The following AGPAT4 variants were observed in gnomAD, a reference collection of about 807,000 sequenced individuals.
AGPAT4 encodes 1-acylglycerol-3-phosphate O-acyltransferase 4, also known as 1-acyl-sn-glycerol-3-phosphate acyltransferase delta.
Under a neutral mutation model 48.0 loss-of-function variants are expected in AGPAT4, and 15 were observed. The ratio of observed to expected loss-of-function variants is 0.31; its 90% CI spans 0.21 to 0.48. AGPAT4 has a LOEUF of 0.48. AGPAT4 is among the 20% of genes least tolerant of loss of function. The probability of loss-of-function intolerance (pLI) is 0.99; values close to 1 mark genes in which losing one functional copy is unlikely to be tolerated. For missense variants in AGPAT4, 314 were observed against 482.5 expected (o/e 0.65, Z 3.27); for synonymous variants, 178 against 198.7 (o/e 0.90, Z 0.88).
chr6:161,265,726 T>C (rs1295671594), intron 1 of AGPAT4, among the ~76,000 whole-genome samples: 1 of 152,070 alleles, frequency 6.6e-6, no homozygotes, highest in African/African-American at 2.4e-5. Context: ...AGGGCCTGTC[T>C]GCACAGATCT....
chr6:161,235,892 A>G lies in AGPAT4; in HGVS notation c.-89-3590T>C, dbSNP rs1782261414. Reference sequence around the variant, plus strand: ...TCCAGTGCTGGGGATTACAAATTCAACGTGAGACTTGGGCAGGGACACAGA... The same window carrying G: ...TCCAGTGCTGGGGATTACAAATTCAGCGTGAGACTTGGGCAGGGACACAGA... On this transcript the variant is annotated intron_variant, in intron 1 of 8. Transcript: ENST00000320285. The surrounding 1 kb of genome is among the most constrained non-coding windows in gnomAD (Gnocchi z 6.2). Among the ~76,000 whole-genome samples the G allele has an allele frequency of 6.6e-6, 1 of 152,122 alleles. No individual in the cohort carries two copies. The highest frequency in any genetic ancestry group is 2.4e-5 in the African/African-American group (1 of 41,412).
rs201320578 is a variant in AGPAT4, at chr6:161,144,204, G to A, written c.843+2320C>T. ...CAGCGATCTTCTCGGAAGGGCAAAGGGCCAGCCTCCCAGGCCTGCTCACAG... is the reference window on the plus strand; with the variant it reads ...CAGCGATCTTCTCGGAAGGGCAAAGAGCCAGCCTCCCAGGCCTGCTCACAG... On this transcript the variant is annotated intron_variant, in intron 7 of 8. Transcript: ENST00000320285. This position sits in a 1 kb window ranked among gnomAD's most constrained non-coding sequence, Gnocchi z 6.6. 1.9e-6 allele frequency: 1 copy of A among 532,894 alleles called. No homozygotes were observed. The highest frequency in any genetic ancestry group is 3.8e-6 in the Non-Finnish European group (1 of 259,816). 33.0% of individuals were successfully genotyped at this position (532,894 alleles called of 1,614,324 possible). A position where few individuals can be genotyped will look rare whatever the true frequency, so the allele number is the denominator to read the frequency against.
Position 161,217,066 on chromosome 6 carries a change from T to G in AGPAT4, c.178+14970A>C, listed in dbSNP as rs1781666073. On this transcript the variant is annotated intron_variant, in intron 2 of 8. Coordinates refer to ENST00000320285, the MANE Select transcript of AGPAT4 (RefSeq NM_020133.3). This position sits in a 1 kb window ranked among gnomAD's most constrained non-coding sequence, Gnocchi z 4.9. Reference sequence around the variant, plus strand: ...TCAGGCTTTCCTGTCCTTGTCAATTTCCGTTTAGGTGTTTTATCATTAGGG... The same window carrying G: ...TCAGGCTTTCCTGTCCTTGTCAATTGCCGTTTAGGTGTTTTATCATTAGGG... Among the ~76,000 whole-genome samples, 1 of 152,186 alleles carries G rather than the reference T, an allele frequency of 6.6e-6. No individual in the cohort carries two copies. The highest frequency in any genetic ancestry group is 2.1e-4 in the South Asian group (1 of 4,830).
rs901879831 is a variant in AGPAT4, at chr6:161,158,812, G to A, written c.349-4502C>T. ...GCTTCAGATGAAGATTCCAAACCCC[G>A]GTGCTGCGAGCAGCATGGCTGGGAG... is the stretch of plus-strand genomic sequence containing the variant. On this transcript the variant is annotated intron_variant, in intron 3 of 8. Transcript: ENST00000320285. The surrounding 1 kb of genome is among the most constrained non-coding windows in gnomAD (Gnocchi z 5.3). 9.9e-5 allele frequency among the ~76,000 whole-genome samples: 15 copies of A among 150,792 alleles called. No individual in the cohort carries two copies. The highest frequency in any genetic ancestry group is 3.2e-4 in the African/African-American group (13 of 40,156).
intron 2 of AGPAT4, among the ~76,000 whole-genome samples, chr6:161,181,207 G>A (rs1172321620): frequency 2.0e-5 from 3 of 152,152 alleles, no homozygotes; most frequent in African/African-American, 7.2e-5. Context: ...GCTGTGAAGG[G>A]GAACAGTATT....
rs754342942 is a variant in AGPAT4, at chr6:161,166,237, T to C, written c.348+11A>G. 1 of 1,613,270 alleles carries C rather than the reference T, an allele frequency of 6.2e-7. No individual in the cohort carries two copies. Among genetic ancestry groups the C allele is most frequent in the Non-Finnish European group, 8.5e-7 (1 of 1,179,608 alleles). On this transcript the variant is annotated intron_variant, in intron 3 of 8. Transcript: ENST00000320285. The surrounding 1 kb of genome is among the most constrained non-coding windows in gnomAD (Gnocchi z 6.7). ...ATGTGTGAGGCAGGGGGGAATGCAC[T>C]TCTGACTTACCCCTAACAGCCCAAA...
chr6:161,146,176 A>T lies in AGPAT4; in HGVS notation c.843+348T>A, dbSNP rs1779418335. On this transcript the variant is annotated intron_variant, in intron 7 of 8. Coordinates refer to ENST00000320285, the MANE Select transcript of AGPAT4 (RefSeq NM_020133.3). The surrounding 1 kb of genome is among the most constrained non-coding windows in gnomAD (Gnocchi z 7.1). Reference sequence around the variant, plus strand: ...GATCAGATTGACAACCAAATTGTTGATCCAGAAGCAATCAAGACCATGTCC... The same window carrying T: ...GATCAGATTGACAACCAAATTGTTGTTCCAGAAGCAATCAAGACCATGTCC... Among the ~76,000 whole-genome samples the T allele has an allele frequency of 6.6e-6, 1 of 151,484 alleles. No individual in the cohort carries two copies. Among genetic ancestry groups the T allele is most frequent in the Non-Finnish European group, 1.5e-5 (1 of 68,020 alleles).
At chr6:161,186,229 T>C (rs559022650) in intron 2 of AGPAT4, among the ~76,000 whole-genome samples, 3 of 152,140 alleles carry the variant, frequency 2.0e-5, no homozygotes, top group Non-Finnish European at 4.4e-5. Context: ...ATGCTTAAGA[T>C]GAGTGAATCA....
chr6:161,131,083 G>A lies in AGPAT4; in HGVS notation c.*5457C>T, dbSNP rs1301085652. 4 of 292,452 alleles carry A rather than the reference G, an allele frequency of 1.4e-5. No homozygotes were observed. The highest frequency in any genetic ancestry group is 2.8e-5 in the Non-Finnish European group (4 of 142,246). The allele number at this position is 292,452 out of a possible 1,614,324, so 18.1% of individuals were successfully genotyped here. A position where few individuals can be genotyped will look rare whatever the true frequency, so the allele number is the denominator to read the frequency against. On this transcript the variant is annotated 3_prime_UTR_variant, in exon 9 of 9. Transcript: ENST00000320285. Reference sequence around the variant, plus strand: ...CACTCACCTCCCTTAAAATTCAGCAGAACCAGAGGTGCCAGAAATGTCAAA... The same window carrying A: ...CACTCACCTCCCTTAAAATTCAGCAAAACCAGAGGTGCCAGAAATGTCAAA...
Position 161,164,571 on chromosome 6 carries a change from G to A in AGPAT4, c.348+1677C>T, listed in dbSNP as rs1432446152. On this transcript the variant is annotated intron_variant, in intron 3 of 8. Transcript: ENST00000320285. The surrounding 1 kb of genome is among the most constrained non-coding windows in gnomAD (Gnocchi z 7.4). ...TTTTGTGCCCCCAACATCTTCCAGG[G>A]GAAAGAGCAGAAGCTTTGAAAGCAG... 6.6e-6 allele frequency among the ~76,000 whole-genome samples: 1 copy of A among 152,194 alleles called. No homozygotes were observed. Among genetic ancestry groups the A allele is most frequent in the African/African-American group, 2.4e-5 (1 of 41,448 alleles).
At chr6:161,187,731 ACAGGGTTTCACC>A (rs1239516461) in intron 2 of AGPAT4, among the ~76,000 whole-genome samples, 1 of 152,036 alleles carries the variant, frequency 6.6e-6, no homozygotes, top group Non-Finnish European at 1.5e-5. Context: ...TTTAGTAGAG[ACAGGGTTTCACC>A]ATGTTGGCCA....
At position 161,169,663 on chromosome 6, in the gene AGPAT4, C is replaced by A. The variant is rs1244274643; in HGVS notation, c.179-3246G>T. Among the ~76,000 whole-genome samples the A allele has an allele frequency of 6.6e-6, 1 of 152,108 alleles. No individual in the cohort carries two copies. Among genetic ancestry groups the A allele is most frequent in the Non-Finnish European group, 1.5e-5 (1 of 68,018 alleles). On this transcript the variant is annotated intron_variant, in intron 2 of 8. Transcript: ENST00000320285. The surrounding 1 kb of genome is among the most constrained non-coding windows in gnomAD (Gnocchi z 5.0). ...TTTTCTTAATCAAATGATTTCACTTCTTTTTTAATTCACAGAAACACATTT... is the reference window on the plus strand; with the variant it reads ...TTTTCTTAATCAAATGATTTCACTTATTTTTTAATTCACAGAAACACATTT...
intron 1 of AGPAT4, among the ~76,000 whole-genome samples, chr6:161,247,638 A>C (rs1236560892): frequency 6.6e-6 from 1 of 152,166 alleles, no homozygotes; most frequent in Non-Finnish European, 1.5e-5. Context: ...TCCCCCTGAA[A>C]ACTGGCACAA....
In AGPAT4 at chr6:161,235,297, A is replaced by G. The variant is rs575699864; in HGVS notation, c.-89-2995T>C. ...TTTTAATTTCGTGAAACTTAGGCGG[A>G]TTCTCAAATTTATATGCAAACGCCA... is the stretch of plus-strand genomic sequence containing the variant. On this transcript the variant is annotated intron_variant, in intron 1 of 8. Transcript: ENST00000320285. The surrounding 1 kb of genome is among the most constrained non-coding windows in gnomAD (Gnocchi z 6.2). Among the ~76,000 whole-genome samples, 1 of 152,322 alleles carries G rather than the reference A, an allele frequency of 6.6e-6. No homozygotes were observed. The highest frequency in any genetic ancestry group is 2.1e-4 in the South Asian group (1 of 4,820).
rs1044310221 is a variant in AGPAT4, at chr6:161,136,381, C to T, written c.*159G>A. The T allele has an allele frequency of 3.2e-6, 2 of 622,928 alleles. No individual in the cohort carries two copies. The highest frequency in any genetic ancestry group is 1.9e-5 in the South Asian group (1 of 51,954). 38.6% of individuals were successfully genotyped at this position (622,928 alleles called of 1,614,324 possible). A position where few individuals can be genotyped will look rare whatever the true frequency, so the allele number is the denominator to read the frequency against. ...AAAGATTACAAAACATCTTCCTCCC[C>T]ATCCGGCCTTGAGACCAGACTCCCT... On this transcript the variant is annotated 3_prime_UTR_variant, in exon 9 of 9. Coordinates refer to ENST00000320285, the MANE Select transcript of AGPAT4 (RefSeq NM_020133.3).
chr6:161,163,261 T>C (rs1779989240), intron 3 of AGPAT4, among the ~76,000 whole-genome samples: 1 of 152,250 alleles, frequency 6.6e-6, no homozygotes, highest in Non-Finnish European at 1.5e-5. Context: ...TCTTGGACTG[T>C]GATAGGTGAG....
In AGPAT4 at chr6:161,184,962, C is replaced by T. The variant is rs1006630839; in HGVS notation, c.179-18545G>A. Among the ~76,000 whole-genome samples, 4 of 151,962 alleles carry T rather than the reference C, an allele frequency of 2.6e-5. No individual in the cohort carries two copies. Among genetic ancestry groups the T allele is most frequent in the African/African-American group, 4.8e-5 (2 of 41,348 alleles). On this transcript the variant is annotated intron_variant, in intron 2 of 8. Coordinates refer to ENST00000320285, the MANE Select transcript of AGPAT4 (RefSeq NM_020133.3). This position sits in a 1 kb window ranked among gnomAD's most constrained non-coding sequence, Gnocchi z 4.8. ...AGGTTAAACGCCCTCACGATGAGCA[C>T]CCACACACCCAGAGCACAGGAGGTT... is the stretch of plus-strand genomic sequence containing the variant.
In AGPAT4 at chr6:161,222,565, C is replaced by T. The variant is rs184731306; in HGVS notation, c.178+9471G>A. 4.8e-4 allele frequency among the ~76,000 whole-genome samples: 73 copies of T among 150,626 alleles called. 1 individual carries two copies. The highest frequency in any genetic ancestry group is 4.4e-3 in the Admixed American group (66 of 15,172). On this transcript the variant is annotated intron_variant, in intron 2 of 8. Coordinates refer to ENST00000320285, the MANE Select transcript of AGPAT4 (RefSeq NM_020133.3). The surrounding 1 kb of genome is among the most constrained non-coding windows in gnomAD (Gnocchi z 5.9). ...CTGGGCATCTTTCTATAAAAGATTA[C>T]GCATGAACAGATTTTTTTTTTTTTC... is the stretch of plus-strand genomic sequence containing the variant.
At chr6:161,187,649 T>C (rs555172378) in intron 2 of AGPAT4, among the ~76,000 whole-genome samples, 8 of 152,146 alleles carry the variant, frequency 5.3e-5, no homozygotes, top group Non-Finnish European at 1.0e-4. Context: ...GTTCAAATTC[T>C]CCTGCCTCAG....
Sources: allele counts gnomAD v4.1 joint callset (sites outside exome capture counted in the v4.1 genomes callset), GRCh38; gene constraint gnomAD v4.1.1; non-coding constraint Gnocchi (gnomAD v3.1); transcripts MANE v1.5; gene names NCBI Gene and HGNC (gene_info 2026-07-23, HGNC 2026-07-21).